Variants in PPP4R3B observed in about 807,000 individuals in gnomAD.
PPP4R3B encodes the protein serine/threonine-protein phosphatase 4 regulatory subunit 3B.
A neutral mutation model predicts 95.4 loss-of-function variants in PPP4R3B; 52 were observed. The observed-to-expected ratio is 0.54, with a 90% confidence interval of 0.44 to 0.69. The LOEUF is 0.69. Ranked by LOEUF, PPP4R3B falls within the 30% of genes least tolerant of loss-of-function variation. PPP4R3B has a pLI of 0.00. For missense variants in PPP4R3B, 1,003 were observed against 1,005.9 expected, an observed-to-expected ratio of 1.00 and a Z score of 0.04; for synonymous variants, 407 against 343.9, an observed-to-expected ratio of 1.18 and a Z score of -2.03.
intron 16 of PPP4R3B, among the ~76,000 whole-genome samples, chr2:55,551,123 G>A (rs1283112496): frequency 2.0e-5 from 3 of 152,004 alleles, no homozygotes; most frequent in African/African-American, 4.8e-5. Flanking sequence ...AGATCGAGGC[G>A]GATGGGTCAC....
chr2:55,596,925 T>C (rs368023198), intron 4 of PPP4R3B, among the ~76,000 whole-genome samples: 29 of 152,178 alleles, frequency 1.9e-4, no homozygotes, highest in East Asian at 7.7e-4. Flanking sequence ...AATCACACCA[T>C]TGCACTCCAG....
intron 12 of PPP4R3B, among the ~76,000 whole-genome samples, chr2:55,571,911 C>A (rs1428832622): frequency 6.6e-6 from 1 of 152,180 alleles, no homozygotes; most frequent in Non-Finnish European, 1.5e-5. Context: ...TGAGCCACTG[C>A]GCCTGGCCAA....
intron 8 of PPP4R3B, among the ~76,000 whole-genome samples, chr2:55,581,248 T>A (rs899299333): frequency 6.6e-6 from 1 of 152,154 alleles, no homozygotes; most frequent in African/African-American, 2.4e-5. Context: ...CAAGACTCTG[T>A]CTCAAAAAAA....
Position 55,585,036 on chromosome 2 carries a change from A to T in PPP4R3B, c.1233+15T>A, listed in dbSNP as rs373398524. The T allele has an allele frequency of 1.3e-6, 2 of 1,577,034 alleles. No individual in the cohort carries two copies. The highest frequency in any genetic ancestry group is 1.7e-6 in the Non-Finnish European group (2 of 1,149,740). On this transcript the variant is annotated intron_variant, in intron 7 of 16. Transcript: ENST00000616407. ...CTACAGGTAATTCACATAGAACCAC[A>T]GCATTATTACTTACGTCATCACTCT...
chr2:55,611,118 T>A (rs1694107417), intron 2 of PPP4R3B, among the ~76,000 whole-genome samples: 1 of 152,092 alleles, frequency 6.6e-6, no homozygotes, highest in Non-Finnish European at 1.5e-5. Flanking sequence ...TGCCTCAGCC[T>A]CCCAAAGTGT....
intron 15 of PPP4R3B, among the ~76,000 whole-genome samples, chr2:55,563,325 A>G (rs1686865531): frequency 6.6e-6 from 1 of 152,268 alleles, no homozygotes; most frequent in African/African-American, 2.4e-5. Flanking sequence ...ATTCAAAATC[A>G]CAAACTTACA....
At chr2:55,561,971 G>A (rs970565763) in intron 15 of PPP4R3B, among the ~76,000 whole-genome samples, 4 of 152,162 alleles carry the variant, frequency 2.6e-5, no homozygotes, top group Admixed American at 6.5e-5. Flanking sequence ...GGGAGGGACC[G>A]GGGTGGAATG....
chr2:55,581,459 A>T, intron 8 of PPP4R3B, 108 bp downstream of exon 8: 1 of 1,199,808 alleles, frequency 8.3e-7, no homozygotes, highest in Non-Finnish European at 1.1e-6. Flanking sequence ...ACTGCTACTT[A>T]AATACCAACT....
chr2:55,607,720 C>A (rs1306144081), intron 2 of PPP4R3B, among the ~76,000 whole-genome samples: 1 of 152,176 alleles, frequency 6.6e-6, no homozygotes, highest in Non-Finnish European at 1.5e-5. Flanking sequence ...AATAAACCCT[C>A]AGCCCCTCTC....
intron 4 of PPP4R3B, among the ~76,000 whole-genome samples, chr2:55,596,656 G>T (rs1450347959): frequency 1.3e-5 from 2 of 152,216 alleles, no homozygotes; most frequent in African/African-American, 2.4e-5. Context: ...GGACAGACAG[G>T]AAAAGGGTTA....
Position 55,617,534 on chromosome 2 carries a change from G to GC in PPP4R3B, c.-250dup, listed in dbSNP as rs1212921445. ...CATACACCCACTCTCCCGTCTCTTT[G>GC]CCCCCCAGGGCTCGCTTGCTCTCCC... is the stretch of plus-strand genomic sequence containing the variant. On this transcript the variant is annotated 5_prime_UTR_variant, in exon 1 of 17. Coordinates refer to ENST00000616407, the MANE Select transcript of PPP4R3B (RefSeq NM_001122964.3). The GC allele has an allele frequency of 1.3e-5, 5 of 393,690 alleles. No homozygotes were observed. Among genetic ancestry groups the GC allele is most frequent in the South Asian group, 5.8e-5 (1 of 17,146 alleles). 24.4% of individuals were successfully genotyped at this position (393,690 alleles called of 1,614,324 possible). A position where few individuals can be genotyped will look rare whatever the true frequency, so the allele number is the denominator to read the frequency against.
intron 5 of PPP4R3B, 59 bp from the exon 6 acceptor site, chr2:55,586,793 G>C: frequency 1.0e-6 from 1 of 987,636 alleles, no homozygotes; most frequent in Non-Finnish European, 1.6e-6. Context: ...GCACACTATA[G>C]TAATCATCTA....
At chr2:55,599,761 A>C (rs1692291457) in intron 3 of PPP4R3B, among the ~76,000 whole-genome samples, 1 of 152,202 alleles carries the variant, frequency 6.6e-6, no homozygotes, top group Non-Finnish European at 1.5e-5. Context: ...TGCTGCTTTA[A>C]ATATTTTTTC....
chr2:55,617,066 A>T, intron 1 of PPP4R3B, 78 bp downstream of exon 1: 1 of 1,482,320 alleles, frequency 6.7e-7, no homozygotes, highest in Non-Finnish European at 9.0e-7. Flanking sequence ...AGCAACGGTA[A>T]CGGGCCCAGG....
intron 2 of PPP4R3B, among the ~76,000 whole-genome samples, chr2:55,604,909 G>A (rs1177217184): frequency 6.6e-6 from 1 of 151,914 alleles, no homozygotes; most frequent in Admixed American, 6.6e-5. Context: ...GTACAATCAC[G>A]ACTCACTGCA....
chr2:55,548,898 C>T lies in PPP4R3B; in HGVS notation c.*1013G>A, dbSNP rs1336966465. 2.0e-5 allele frequency: 3 copies of T among 152,626 alleles called. No homozygotes were observed. The highest frequency in any genetic ancestry group is 7.2e-5 in the African/African-American group (3 of 41,442). The allele number at this position is 152,626 out of a possible 1,614,324, so 9.5% of individuals were successfully genotyped here. A position where few individuals can be genotyped will look rare whatever the true frequency, so the allele number is the denominator to read the frequency against. ...TTACTCTTCTTAAAAAAGCAGCTTT[C>T]ATATCACACCCTTGTTTACAGAAAA... On this transcript the variant is annotated 3_prime_UTR_variant, in exon 17 of 17. Transcript: ENST00000616407.
chr2:55,615,195 G>C (rs569117842), intron 2 of PPP4R3B: 2 of 393,346 alleles, frequency 5.1e-6, no homozygotes, highest in African/African-American at 4.3e-5. Context: ...GAAGAGACTT[G>C]GCTAACTACA....
chr2:55,577,180 CAA>C, intron 11 of PPP4R3B, 133 bp downstream of exon 11: 2 of 1,145,708 alleles, frequency 1.7e-6, no homozygotes, highest in Non-Finnish European at 2.3e-6. Flanking sequence ...AGTGGAATTA[CAA>C]AAGTAAATTT....
chr2:55,584,782 C>G (rs1458370354), intron 7 of PPP4R3B, among the ~76,000 whole-genome samples: 1 of 152,150 alleles, frequency 6.6e-6, no homozygotes, highest in Non-Finnish European at 1.5e-5. Context: ...TTCATTAACA[C>G]TTGAAATTTA....
Sources: allele counts gnomAD v4.1 joint callset (sites outside exome capture counted in the v4.1 genomes callset), GRCh38; gene constraint gnomAD v4.1.1; transcripts MANE v1.5; gene names NCBI Gene and HGNC (gene_info 2026-07-23, HGNC 2026-07-21).